The following CTNNA3 variants were observed in gnomAD, a reference collection of about 807,000 sequenced individuals.
CTNNA3 encodes the protein catenin alpha-3.
In CTNNA3, 76 loss-of-function variants were observed where a neutral mutation model predicts 95.7. That is an observed-to-expected ratio of 0.79 (90% CI 0.66 to 0.96). CTNNA3 has a LOEUF of 0.96. Ranked by LOEUF, CTNNA3 falls within the 40% of genes least tolerant of loss-of-function variation. The pLI is 0.00. For synonymous variants in CTNNA3, 431 were observed against 374.4 expected (o/e 1.15, Z -1.74); for missense variants, 1,191 against 1,089.8 (o/e 1.09, Z -1.31).
intron 7 of CTNNA3, among the ~76,000 whole-genome samples, chr10:66,830,909 T>C (rs1178908450): frequency 1.3e-5 from 2 of 152,142 alleles, no homozygotes; most frequent in African/African-American, 4.8e-5. Context: ...GCGCCTGGCC[T>C]ACTAATTTCT....
chr10:66,084,584 GA>G (rs567810412), intron 14 of CTNNA3, among the ~76,000 whole-genome samples: 2 of 151,780 alleles, frequency 1.3e-5, no homozygotes, highest in African/African-American at 2.4e-5. Context: ...TTTGGAATTA[GA>G]AAAAAAATTC....
intron 1 of CTNNA3, among the ~76,000 whole-genome samples, chr10:67,656,131 GC>G (rs1840018037): frequency 6.6e-6 from 1 of 152,174 alleles, no homozygotes; most frequent in South Asian, 2.1e-4. Flanking sequence ...TGTTTCCAGT[GC>G]AATAATTTGC....
intron 1 of CTNNA3, among the ~76,000 whole-genome samples, chr10:67,733,665 C>A (rs1841288238): frequency 6.6e-6 from 1 of 152,176 alleles, no homozygotes; most frequent in Non-Finnish European, 1.5e-5. Context: ...ATGTCACTTA[C>A]CTTTCCGACA....
rs148603829 is a variant in CTNNA3, at chr10:66,398,053, G to T, written c.1532-18701C>A. Among the ~76,000 whole-genome samples the T allele has an allele frequency of 3.5e-3, 526 of 151,864 alleles. 1 individual carries two copies. Among genetic ancestry groups the T allele is most frequent in the African/African-American group, 1.0e-2 (414 of 41,504 alleles). On this transcript the variant is annotated intron_variant, in intron 11 of 17. Transcript: ENST00000433211. Reference sequence around the variant, plus strand: ...TTACTAGAGTAATATTTATATAAAAGATATTTTAGTAAGAGAGTTTTATGT... The same window carrying T: ...TTACTAGAGTAATATTTATATAAAATATATTTTAGTAAGAGAGTTTTATGT...
At chr10:65,982,782 A>G (rs1284120528) in intron 16 of CTNNA3, among the ~76,000 whole-genome samples, 1 of 151,200 alleles carries the variant, frequency 6.6e-6, no homozygotes, top group Non-Finnish European at 1.5e-5. Context: ...AAATTAAAAA[A>G]TTTCTGCTGG....
At chr10:66,910,625 C>T (rs555923873) in intron 7 of CTNNA3, among the ~76,000 whole-genome samples, 1 of 152,268 alleles carries the variant, frequency 6.6e-6, no homozygotes, top group East Asian at 1.9e-4. Flanking sequence ...TTGAAGATAA[C>T]ATGTAAAGCC....
chr10:66,312,830 C>A (rs896576188), intron 12 of CTNNA3, among the ~76,000 whole-genome samples: 3 of 152,136 alleles, frequency 2.0e-5, no homozygotes, highest in Admixed American at 6.5e-5. Flanking sequence ...CAGGCGTGAG[C>A]TACAATGCCC....
chr10:67,278,585 ACT>A (rs901327993), intron 5 of CTNNA3, among the ~76,000 whole-genome samples: 3 of 152,058 alleles, frequency 2.0e-5, no homozygotes, highest in African/African-American at 7.2e-5. Context: ...TGTGCAGAGG[ACT>A]CTCTCAGATA....
chr10:67,230,222 A>G (rs1865123912), intron 5 of CTNNA3, among the ~76,000 whole-genome samples: 1 of 152,244 alleles, frequency 6.6e-6, no homozygotes, highest in Non-Finnish European at 1.5e-5. Flanking sequence ...AAAGTGAGGA[A>G]AGGACACCCT....
At chr10:66,016,734 A>T (rs10996828) in intron 15 of CTNNA3, among the ~76,000 whole-genome samples, 1 of 152,076 alleles carries the variant, frequency 6.6e-6, no homozygotes, top group Non-Finnish European at 1.5e-5. Context: ...GCAACATATC[A>T]TAAAAGAGAT....
At chr10:67,661,347 G>A (rs1455702617) in intron 1 of CTNNA3, among the ~76,000 whole-genome samples, 1 of 151,966 alleles carries the variant, frequency 6.6e-6, no homozygotes. Context: ...AGGAAGTTAG[G>A]CAGGGAGGAA....
chr10:66,376,453 T>C (rs2092797401), intron 12 of CTNNA3, among the ~76,000 whole-genome samples: 1 of 152,116 alleles, frequency 6.6e-6, no homozygotes, highest in Non-Finnish European at 1.5e-5. Context: ...TCCTGAGATA[T>C]AATAGGTCAG....
At chr10:66,677,106 C>T (rs1846885925) in intron 9 of CTNNA3, among the ~76,000 whole-genome samples, 1 of 152,152 alleles carries the variant, frequency 6.6e-6, no homozygotes, top group South Asian at 2.1e-4. Context: ...GATTACTTGA[C>T]TTCTCTAGCA....
intron 10 of CTNNA3, among the ~76,000 whole-genome samples, chr10:66,524,623 G>A (rs1165839940): frequency 2.0e-5 from 3 of 152,160 alleles, no homozygotes; most frequent in Non-Finnish European, 4.4e-5. Context: ...AAAGCTGAAA[G>A]TTTCTGTAAA....
chr10:67,583,033 G>T lies in CTNNA3; in HGVS notation c.292+23824C>A, dbSNP rs559541604. On this transcript the variant is annotated intron_variant, in intron 3 of 17. Coordinates refer to ENST00000433211, the MANE Select transcript of CTNNA3 (RefSeq NM_013266.4). Reference sequence around the variant, plus strand: ...TACCCAATTTGCCAGTCTGTGTCTTGTAATTGGAGTATTCAGACCATTTAC... The same window carrying T: ...TACCCAATTTGCCAGTCTGTGTCTTTTAATTGGAGTATTCAGACCATTTAC... 5.8e-4 allele frequency among the ~76,000 whole-genome samples: 88 copies of T among 152,060 alleles called. 2 individuals are homozygous for T. The highest frequency in any genetic ancestry group is 2.0e-3 in the African/African-American group (82 of 41,402).
At chr10:65,956,828 T>C (rs2077740879) in intron 17 of CTNNA3, among the ~76,000 whole-genome samples, 1 of 152,216 alleles carries the variant, frequency 6.6e-6, no homozygotes, top group African/African-American at 2.4e-5. Context: ...AATTTTGGAA[T>C]AAGTGCGACG....
At chr10:66,857,527 T>C (rs1442386060) in intron 7 of CTNNA3, among the ~76,000 whole-genome samples, 2 of 152,148 alleles carry the variant, frequency 1.3e-5, no homozygotes, top group Non-Finnish European at 2.9e-5. Context: ...ATATTGATTC[T>C]TCCTATTCAT....
At chr10:65,953,463 G>A (rs916079958) in intron 17 of CTNNA3, among the ~76,000 whole-genome samples, 2 of 151,108 alleles carry the variant, frequency 1.3e-5, no homozygotes, top group Non-Finnish European at 2.9e-5. Flanking sequence ...GTATACATGT[G>A]CCAAGTTGGT....
chr10:66,855,563 C>T (rs1589338240), intron 7 of CTNNA3, among the ~76,000 whole-genome samples: 1 of 151,896 alleles, frequency 6.6e-6, no homozygotes. Context: ...CCAAACAGGA[C>T]CCAACACAAT....
Sources: gnomAD v4.1 joint callset for allele counts (sites outside exome capture counted in the v4.1 genomes callset) on GRCh38, gnomAD v4.1.1 for gene constraint, MANE v1.5 for transcripts, NCBI Gene and HGNC (gene_info 2026-07-23, HGNC 2026-07-21) for gene names.